Variants in SHISA9 observed in about 807,000 individuals in gnomAD.
The protein encoded by SHISA9 is protein shisa-9.
In SHISA9, 13 loss-of-function variants were observed where a neutral mutation model predicts 38.0. The observed-to-expected ratio is 0.34, with a 90% CI of 0.22 to 0.54. The LOEUF is 0.54. SHISA9 is among the 20% of genes least tolerant of loss of function. The pLI is 0.91. For missense variants in SHISA9, 538 were observed against 575.8 expected (o/e 0.93, Z 0.67); for synonymous variants, 275 against 242.0 (o/e 1.14, Z -1.27).
the SHISA9 span, among the ~76,000 whole-genome samples, chr16:13,267,197 A>G: frequency 3.3e-5 from 5 of 152,230 alleles, no homozygotes; most frequent in Non-Finnish European, 5.9e-5. Flanking sequence ...AAGAGCCTAT[A>G]GAATTATTAC....
chr16:13,191,988 A>G (rs1156949182), intron 2 of SHISA9, among the ~76,000 whole-genome samples: 1 of 152,236 alleles, frequency 6.6e-6, no homozygotes, highest in African/African-American at 2.4e-5. Flanking sequence ...GCTCATCAAC[A>G]GTTGACTGGA....
At chr16:13,340,834 T>C in the SHISA9 span, among the ~76,000 whole-genome samples, 1 of 152,194 alleles carries the variant, frequency 6.6e-6, no homozygotes, top group African/African-American at 2.4e-5. Context: ...CCTTTGCACA[T>C]GCTGTTCCTT....
intron 2 of SHISA9, among the ~76,000 whole-genome samples, chr16:13,069,763 TG>T (rs2073489206): frequency 6.6e-6 from 1 of 152,252 alleles, no homozygotes; most frequent in Admixed American, 6.5e-5. Context: ...GTGGGGCCTT[TG>T]GGAAGTGATT....
intron 2 of SHISA9, among the ~76,000 whole-genome samples, chr16:13,058,527 A>T (rs2073336305): frequency 6.6e-6 from 1 of 152,340 alleles, no homozygotes; most frequent in Non-Finnish European, 1.5e-5. Context: ...AGATGAGCAA[A>T]GTGAGGCCTA....
the SHISA9 span, among the ~76,000 whole-genome samples, chr16:13,410,623 G>T: frequency 1.3e-5 from 2 of 152,138 alleles, no homozygotes; most frequent in Admixed American, 1.3e-4. Context: ...AAAAGTGTTT[G>T]CCAGAAACTT....
At chr16:13,448,238 C>A in the SHISA9 span, among the ~76,000 whole-genome samples, 4 of 152,174 alleles carry the variant, frequency 2.6e-5, no homozygotes, top group African/African-American at 9.6e-5. Flanking sequence ...CTATAGAGAG[C>A]ATGCACATGT....
intron 2 of SHISA9, among the ~76,000 whole-genome samples, chr16:13,006,066 G>A (rs34209944): frequency 0.084 from 12,827 of 152,068 alleles, 677 homozygotes; most frequent in East Asian, 0.16. Context: ...ATGCGCGCAC[G>A]CACACACACA....
chr16:13,288,016 G>A, the SHISA9 span, among the ~76,000 whole-genome samples: 2 of 152,094 alleles, frequency 1.3e-5, no homozygotes, highest in Non-Finnish European at 2.9e-5. Flanking sequence ...GTTCACTTTT[G>A]GACTTCTGAG....
At chr16:13,023,111 C>G (rs2072877429) in intron 2 of SHISA9, among the ~76,000 whole-genome samples, 1 of 152,136 alleles carries the variant, frequency 6.6e-6, no homozygotes, top group Non-Finnish European at 1.5e-5. Flanking sequence ...TGTTGGTTTG[C>G]TGCACCCATC....
chr16:13,504,738 C>A, the SHISA9 span, among the ~76,000 whole-genome samples: 1 of 152,284 alleles, frequency 6.6e-6, no homozygotes, highest in Non-Finnish European at 1.5e-5. Flanking sequence ...GTATTCTGTG[C>A]CCATTATATA....
Position 13,235,674 on chromosome 16 carries a change from C to G in SHISA9, c.*265C>G, listed in dbSNP as rs546231629. The G allele has an allele frequency of 4.4e-6, 2 of 451,392 alleles. No homozygotes were observed. Among genetic ancestry groups the G allele is most frequent in the Admixed American group, 4.0e-5 (1 of 25,086 alleles). 28.0% of individuals were successfully genotyped at this position (451,392 alleles called of 1,614,324 possible). ...AAAATGAGGCACACTCTTTCCACTTCAGGCCCAAGATGGCCAACTCACATG... is the reference window on the plus strand; with the variant it reads ...AAAATGAGGCACACTCTTTCCACTTGAGGCCCAAGATGGCCAACTCACATG... On this transcript the variant is annotated 3_prime_UTR_variant, in exon 5 of 5. Coordinates refer to ENST00000558583, the MANE Select transcript of SHISA9 (RefSeq NM_001145204.3).
At chr16:13,506,811 G>C in the SHISA9 span, among the ~76,000 whole-genome samples, 1 of 152,036 alleles carries the variant, frequency 6.6e-6, no homozygotes, top group African/African-American at 2.4e-5. Context: ...GAGGCAGCAG[G>C]AGCCCTTGAG....
the SHISA9 span, among the ~76,000 whole-genome samples, chr16:13,393,225 C>T: frequency 6.6e-6 from 1 of 152,232 alleles, no homozygotes; most frequent in Admixed American, 6.5e-5. Flanking sequence ...GGGCCAGCTC[C>T]ACGGGTGTGT....
chr16:13,377,711 C>T, the SHISA9 span, among the ~76,000 whole-genome samples: 2 of 152,170 alleles, frequency 1.3e-5, no homozygotes, highest in African/African-American at 2.4e-5. Context: ...AATATCCTTT[C>T]TCTATGAAAA....
At chr16:12,995,763 C>T (rs2072450112) in intron 2 of SHISA9, among the ~76,000 whole-genome samples, 1 of 152,186 alleles carries the variant, frequency 6.6e-6, no homozygotes, top group Non-Finnish European at 1.5e-5. Flanking sequence ...ATTCTGCCTT[C>T]AGATTTTAAT....
the SHISA9 span, among the ~76,000 whole-genome samples, chr16:13,372,457 T>C: frequency 6.6e-6 from 1 of 152,168 alleles, no homozygotes; most frequent in Non-Finnish European, 1.5e-5. Context: ...TAGGTCTAAT[T>C]GCAACTTGCC....
intron 2 of SHISA9, among the ~76,000 whole-genome samples, chr16:13,183,696 C>G (rs192044066): frequency 5.8e-4 from 88 of 152,290 alleles, no homozygotes; most frequent in Non-Finnish European, 8.8e-4. Flanking sequence ...TCATAACTAC[C>G]TATTCTCATT....
chr16:13,102,682 C>A (rs2073890333), intron 2 of SHISA9, among the ~76,000 whole-genome samples: 1 of 152,200 alleles, frequency 6.6e-6, no homozygotes, highest in Admixed American at 6.5e-5. Flanking sequence ...TCCTTCCCCA[C>A]ACCATCCCTG....
At chr16:12,979,304 T>A (rs1317556453) in intron 2 of SHISA9, among the ~76,000 whole-genome samples, 1 of 148,326 alleles carries the variant, frequency 6.7e-6, no homozygotes, top group Non-Finnish European at 1.5e-5. Context: ...GTGCTGAAGT[T>A]TTTTTTTTTT....
Sources: gnomAD v4.1 joint callset for allele counts (sites outside exome capture counted in the v4.1 genomes callset) on GRCh38, gnomAD v4.1.1 for gene constraint, MANE v1.5 for transcripts, NCBI Gene and HGNC (gene_info 2026-07-23, HGNC 2026-07-21) for gene names.